Variants in FAM193A observed in about 807,000 individuals in gnomAD.
FAM193A encodes protein FAM193A.
Under a neutral mutation model 126.5 loss-of-function variants are expected in FAM193A, and 22 were observed. The ratio of observed to expected loss-of-function variants is 0.17; its 90% CI spans 0.12 to 0.25. The LOEUF (loss-of-function observed/expected upper bound fraction) is 0.25. FAM193A is among the 10% of genes least tolerant of loss of function. FAM193A has a pLI of 1.00. For missense variants in FAM193A, 1,675 were observed against 1,672.8 expected, an observed-to-expected ratio of 1.00 and a Z score of -0.02; for synonymous variants, 761 against 646.8, an observed-to-expected ratio of 1.18 and a Z score of -2.68.
At position 2,696,278 on chromosome 4, in the gene FAM193A, AAC is replaced by A. The variant is rs1717025329; in HGVS notation, c.3277-83_3277-82del. ...CAAATATATACTACTTGAGTAATAA[AAC>A]AGTTTATTTTTGGAGGTGTGGTCTG... is the stretch of plus-strand genomic sequence containing the variant. On this transcript the variant is annotated intron_variant, in intron 17 of 20. Transcript: ENST00000637812. 43 of 862,930 alleles carry A rather than the reference AAC, an allele frequency of 5.0e-5. No individual in the cohort carries two copies. In the South Asian group the frequency reaches 7.1e-4, roughly 14 times the overall value. The allele number at this position is 862,930 out of a possible 1,614,324, so 53.5% of individuals were successfully genotyped here.
At chr4:2,697,811 A>AACACAGTGT (rs1211511823) in intron 18 of FAM193A, among the ~76,000 whole-genome samples, 10 of 152,190 alleles carry the variant, frequency 6.6e-5, no homozygotes, top group African/African-American at 2.2e-4. Flanking sequence ...GAGTGCAGAG[A>AACACAGTGT]ACACAGTGTG....
intron 5 of FAM193A, among the ~76,000 whole-genome samples, chr4:2,637,188 G>A (rs1382959471): frequency 2.0e-5 from 3 of 152,056 alleles, no homozygotes; most frequent in Non-Finnish European, 2.9e-5. Context: ...TTAGCTGAGC[G>A]TGATAGTGTA....
intron 1 of FAM193A, among the ~76,000 whole-genome samples, chr4:2,549,025 G>A (rs1417198905): frequency 2.7e-5 from 4 of 150,882 alleles, no homozygotes; most frequent in African/African-American, 4.9e-5. Flanking sequence ...TGCAACCTCC[G>A]CCTCCCGGTT....
chr4:2,553,681 G>A (rs1165755715), intron 1 of FAM193A, among the ~76,000 whole-genome samples: 1 of 152,018 alleles, frequency 6.6e-6, no homozygotes. Flanking sequence ...TTGACTTACA[G>A]TTTATTTAGA....
intron 1 of FAM193A, among the ~76,000 whole-genome samples, chr4:2,567,183 C>T (rs1024480466): frequency 7.3e-5 from 11 of 151,538 alleles, no homozygotes; most frequent in African/African-American, 2.4e-4. Flanking sequence ...CTCCTGACCT[C>T]GTGATCCACC....
chr4:2,570,222 T>G (rs1038766436), intron 1 of FAM193A, among the ~76,000 whole-genome samples: 22 of 152,276 alleles, frequency 1.4e-4, no homozygotes, highest in African/African-American at 4.6e-4. Flanking sequence ...TTGGGCCGGT[T>G]TGAATCTGTA....
At chr4:2,683,509 G>T (rs1715394600) in intron 13 of FAM193A, among the ~76,000 whole-genome samples, 1 of 152,208 alleles carries the variant, frequency 6.6e-6, no homozygotes, top group Non-Finnish European at 1.5e-5. Flanking sequence ...GGCCAGGCTG[G>T]TCTTGAACCC....
intron 16 of FAM193A, among the ~76,000 whole-genome samples, 177 bp downstream of exon 16, chr4:2,694,051 G>T (rs1429800357): frequency 6.6e-6 from 1 of 152,228 alleles, no homozygotes; most frequent in East Asian, 1.9e-4. Flanking sequence ...TCCCATCTCA[G>T]CCTGTAGTTT....
At chr4:2,630,726 C>G (rs910964969) in intron 4 of FAM193A, among the ~76,000 whole-genome samples, 1 of 152,230 alleles carries the variant, frequency 6.6e-6, no homozygotes, top group African/African-American at 2.4e-5. Flanking sequence ...ATAAATGTCA[C>G]TTGCTGTTCC....
chr4:2,601,763 C>A (rs757903520), intron 2 of FAM193A, among the ~76,000 whole-genome samples: 3 of 151,662 alleles, frequency 2.0e-5, no homozygotes, highest in Non-Finnish European at 4.4e-5. Context: ...AAAGTCTTGT[C>A]AGTTTTGTCT....
chr4:2,683,918 G>C (rs568865613), intron 13 of FAM193A, among the ~76,000 whole-genome samples: 1 of 152,126 alleles, frequency 6.6e-6, no homozygotes, highest in African/African-American at 2.4e-5. Context: ...GACATATCTT[G>C]CAGCTCCCTG....
Position 2,631,136 on chromosome 4 carries a change from C to T in FAM193A, c.1005C>T (p.Ala335=), listed in dbSNP as rs149864699. The change falls in exon 5 of 21, where the codon GCC becomes GCT. Residue 335 remains alanine (A), a synonymous_variant. Coordinates refer to ENST00000637812, the MANE Select transcript of FAM193A (RefSeq NM_001366318.2). ...AGGAGTACGGCGCCCTCTGCCAGGC[C>T]GCACGCTCCATCAGCACCTTCCTTG... ...LLEEYGALCQ[A]ARSISTFLGT... The T allele has an allele frequency of 7.1e-4, 1,145 of 1,612,730 alleles. No individual in the cohort carries two copies. Among genetic ancestry groups the T allele is most frequent in the Middle Eastern group, 1.5e-3 (9 of 6,082 alleles).
chr4:2,700,578 C>T (rs369620268), intron 19 of FAM193A, 34 bp downstream of exon 19: 56 of 1,581,186 alleles, frequency 3.5e-5, no homozygotes, highest in East Asian at 1.1e-4. Flanking sequence ...TATTTCTGAG[C>T]GATGCCTGGT....
chr4:2,566,621 G>C (rs1004241171), intron 1 of FAM193A, among the ~76,000 whole-genome samples: 1 of 151,914 alleles, frequency 6.6e-6, no homozygotes, highest in East Asian at 2.0e-4. Flanking sequence ...CCTGGGAGGC[G>C]AGGTTGCAGT....
chr4:2,623,394 T>C (rs1398516232), intron 2 of FAM193A, among the ~76,000 whole-genome samples: 1 of 152,044 alleles, frequency 6.6e-6, no homozygotes, highest in Non-Finnish European at 1.5e-5. Flanking sequence ...AGGGTCTCGA[T>C]CTCTTGACCT....
At chr4:2,676,070 C>G (rs1031203116) in intron 13 of FAM193A, among the ~76,000 whole-genome samples, 3 of 152,234 alleles carry the variant, frequency 2.0e-5, no homozygotes, top group Non-Finnish European at 4.4e-5. Flanking sequence ...CTACTATGAA[C>G]AGTGCTGCTG....
intron 1 of FAM193A, among the ~76,000 whole-genome samples, chr4:2,558,929 G>T (rs759654216): frequency 3.9e-5 from 6 of 152,162 alleles, no homozygotes; most frequent in Non-Finnish European, 7.4e-5. Flanking sequence ...TGAACCCAGA[G>T]GGTGGAAGTT....
intron 1 of FAM193A, among the ~76,000 whole-genome samples, chr4:2,582,734 C>T (rs1740022806): frequency 6.6e-6 from 1 of 151,862 alleles, no homozygotes; most frequent in Admixed American, 6.6e-5. Context: ...TTATGCAGCA[C>T]AGGCTTTGAA....
At chr4:2,636,243 T>G (rs566301337) in intron 5 of FAM193A, among the ~76,000 whole-genome samples, 2 of 152,146 alleles carry the variant, frequency 1.3e-5, no homozygotes, top group South Asian at 4.2e-4. Context: ...TTTTGTATTT[T>G]TAGTAGAGTC....
Sources: allele counts gnomAD v4.1 joint callset (sites outside exome capture counted in the v4.1 genomes callset), GRCh38; gene constraint gnomAD v4.1.1; transcripts MANE v1.5; gene names NCBI Gene and HGNC (gene_info 2026-07-23, HGNC 2026-07-21).